The following KMT2E variants were observed in gnomAD, a reference collection of about 807,000 sequenced individuals.
KMT2E encodes the protein lysine methyltransferase 2E (inactive).
In KMT2E, 30 loss-of-function variants were observed where a neutral mutation model predicts 184.6. The observed-to-expected ratio is 0.16, with a 90% confidence interval of 0.12 to 0.22. KMT2E has a LOEUF of 0.22. Among genes scored for constraint, KMT2E ranks in the 10% least tolerant of loss-of-function variants. The probability of loss-of-function intolerance (pLI) is 1.00; values close to 1 mark genes in which losing one functional copy is unlikely to be tolerated. For missense variants in KMT2E, 2,023 were observed against 2,237.4 expected (o/e 0.90, Z 1.93); for synonymous variants, 815 against 776.5 (o/e 1.05, Z -0.82).
intron 25 of KMT2E, 65 bp downstream of exon 25, chr7:105,110,667 T>A: frequency 6.2e-7 from 1 of 1,606,650 alleles, no homozygotes; most frequent in Non-Finnish European, 8.5e-7. Flanking sequence ...AGAGAGCCTT[T>A]ATAAAAAGTT....
intron 6 of KMT2E, among the ~76,000 whole-genome samples, chr7:105,071,582 G>A (rs13234630): frequency 0.2 from 6,975 of 34,730 alleles, 793 homozygotes; most frequent in African/African-American, 0.33. Flanking sequence ...ATGTGTGTGT[G>A]TATATATATA....
At chr7:105,037,672 T>G (rs866857036) in intron 1 of KMT2E, among the ~76,000 whole-genome samples, 1 of 152,188 alleles carries the variant, frequency 6.6e-6, no homozygotes, top group Non-Finnish European at 1.5e-5. Context: ...TGTTTTCTGT[T>G]TATTTTAACA....
In KMT2E at chr7:105,015,787, G is replaced by A. The variant is rs201151651; in HGVS notation, c.-189+1252G>A. 2.0e-5 allele frequency among the ~76,000 whole-genome samples: 3 copies of A among 151,970 alleles called. No individual in the cohort carries two copies. The East Asian group carries it at 5.8e-4, about 29-fold the overall frequency. On this transcript the variant is annotated intron_variant, in intron 1 of 26. Transcript: ENST00000311117. ...TTATTATGTTTACATGAAAAGACTG[G>A]GCTGTTTTTCCTTCCCCGAGCCAGT...
At chr7:105,087,458 C>G (rs1002428517) in intron 13 of KMT2E, among the ~76,000 whole-genome samples, 2 of 147,848 alleles carry the variant, frequency 1.4e-5, no homozygotes, top group African/African-American at 5.0e-5. Context: ...GAGTCTTGCT[C>G]TGTCACCCAG....
Position 105,106,684 on chromosome 7 carries a change from A to G in KMT2E, c.2759A>G (p.Asp920Gly), listed in dbSNP as rs140480428. The part of the protein sequence containing the change: ...FATPPRIKSD[D>G]ETCRNGYKPI... Reference sequence around the variant, plus strand: ...ACGCCTCCACGGATAAAATCAGATGATGAAACTTGTAGAAATGGTTATAAA... The same window carrying G: ...ACGCCTCCACGGATAAAATCAGATGGTGAAACTTGTAGAAATGGTTATAAA... Residue 920 changes from aspartate (D) to glycine (G), a missense_variant, in exon 20 of 27, where the codon GAT (aspartate) becomes GGT (glycine). Physicochemically the swap from Asp to Gly is moderately conservative, Grantham distance 94. Coordinates refer to ENST00000311117, the MANE Select transcript of KMT2E (RefSeq NM_182931.3). The G allele has an allele frequency of 6.2e-7, 1 of 1,614,046 alleles. No individual in the cohort carries two copies. The highest frequency in any genetic ancestry group is 8.5e-7 in the Non-Finnish European group (1 of 1,179,904).
intron 12 of KMT2E, among the ~76,000 whole-genome samples, chr7:105,081,455 G>A (rs1460436079): frequency 2.1e-5 from 3 of 144,494 alleles, no homozygotes; most frequent in African/African-American, 7.8e-5. Context: ...TTATTATTTT[G>A]ATGCCACATT....
intron 13 of KMT2E, among the ~76,000 whole-genome samples, chr7:105,084,618 C>T (rs1797888119): frequency 1.4e-5 from 2 of 146,164 alleles, no homozygotes; most frequent in Non-Finnish European, 3.0e-5. Flanking sequence ...CAGAGCAAGA[C>T]TCTGTCTCAA....
intron 13 of KMT2E, 121 bp from the exon 14 acceptor site, chr7:105,089,888 G>A (rs1367143686): frequency 2.2e-6 from 3 of 1,388,256 alleles, no homozygotes; most frequent in African/African-American, 3.0e-5. Flanking sequence ...TACTAAAAAG[G>A]ATTGCTTATA....
chr7:105,107,245 G>A lies in KMT2E; in HGVS notation c.2904+23G>A, dbSNP rs764902119. On this transcript the variant is annotated intron_variant, in intron 21 of 26. Transcript: ENST00000311117. ...GAGGTAAGAAGTTAACTTAAAAAGGGTGAATTGGTAGTTTTTTTCCTATTA... is the reference window on the plus strand; with the variant it reads ...GAGGTAAGAAGTTAACTTAAAAAGGATGAATTGGTAGTTTTTTTCCTATTA... The A allele has an allele frequency of 4.6e-6, 7 of 1,529,774 alleles. No homozygotes were observed. In the African/African-American group the frequency reaches 7.0e-5, roughly 15 times the overall value. 94.8% of individuals were successfully genotyped at this position (1,529,774 alleles called of 1,614,324 possible). A position where few individuals can be genotyped will look rare whatever the true frequency, so the allele number is the denominator to read the frequency against.
rs774540196 is a variant in KMT2E, at chr7:105,112,219, T to C, written c.4463T>C (p.Val1488Ala). Residue 1488 changes from valine to alanine, a missense_variant, in exon 27 of 27, where the codon GTT becomes GCT. Transcript: ENST00000311117. ...YRPHHSQSPQ[V>A]GTPQREPQRN... ...CCTCATCATTCACAGTCACCTCAAG[T>C]TGGAACACCTCAGCGAGAGCCTCAA... is the stretch of plus-strand genomic sequence containing the variant. The C allele has an allele frequency of 5.6e-6, 9 of 1,614,020 alleles. No homozygotes were observed. The highest frequency in any genetic ancestry group is 2.2e-5 in the East Asian group (1 of 44,890).
chr7:105,078,602 C>G (rs1797626514), intron 11 of KMT2E, among the ~76,000 whole-genome samples: 2 of 151,212 alleles, frequency 1.3e-5, no homozygotes, highest in Admixed American at 1.3e-4. Flanking sequence ...AGGTGATCCT[C>G]CCACCTCAGC....
At chr7:105,083,885 C>G (rs1260811736) in intron 13 of KMT2E, among the ~76,000 whole-genome samples, 2 of 152,188 alleles carry the variant, frequency 1.3e-5, no homozygotes, top group Non-Finnish European at 2.9e-5. Context: ...AATCATCAAA[C>G]CATACATTAC....
chr7:105,108,900 CAAG>C (rs887375492), intron 22 of KMT2E, 39 bp from the exon 23 acceptor site: 3 of 1,513,436 alleles, frequency 2.0e-6, no homozygotes, highest in Non-Finnish European at 2.7e-6. Flanking sequence ...ACATAAAAAA[CAAG>C]AATAAAAGAT....
chr7:105,076,530 G>A (rs1409012786), intron 9 of KMT2E, among the ~76,000 whole-genome samples: 3 of 152,168 alleles, frequency 2.0e-5, no homozygotes, highest in Non-Finnish European at 2.9e-5. Flanking sequence ...CAGAATGATC[G>A]ATGGTAGCTA....
At chr7:105,091,596 T>G (rs935245165) in intron 15 of KMT2E, 1 of 520,784 alleles carries the variant, frequency 1.9e-6, no homozygotes, top group Non-Finnish European at 3.4e-6. Flanking sequence ...ATTAATAAAT[T>G]TTAATGCCAC....
chr7:105,096,147 T>C (rs1798401193), intron 15 of KMT2E, among the ~76,000 whole-genome samples: 1 of 147,226 alleles, frequency 6.8e-6, no homozygotes. Context: ...CCCAGCTACT[T>C]GGGAGGCTGA....
At chr7:105,040,279 C>G (rs2129565303) in intron 2 of KMT2E, among the ~76,000 whole-genome samples, 1 of 152,224 alleles carries the variant, frequency 6.6e-6, no homozygotes, top group African/African-American at 2.4e-5. Context: ...CCATGTGTTG[C>G]TGGAGGAGAG....
At chr7:105,067,928 T>C (rs1797103249) in intron 6 of KMT2E, among the ~76,000 whole-genome samples, 1 of 152,096 alleles carries the variant, frequency 6.6e-6, no homozygotes, top group South Asian at 2.1e-4. Flanking sequence ...GGCATGGTCA[T>C]GCCACTGTGC....
chr7:105,095,495 G>GGATGAA (rs1798367712), intron 15 of KMT2E, among the ~76,000 whole-genome samples: 1 of 152,100 alleles, frequency 6.6e-6, no homozygotes, highest in African/African-American at 2.4e-5. Context: ...AAATACTCAG[G>GGATGAA]GATGAAGATT....
Sources: gnomAD v4.1 joint callset for allele counts (sites outside exome capture counted in the v4.1 genomes callset) on GRCh38, gnomAD v4.1.1 for gene constraint, MANE v1.5 for transcripts, NCBI Gene and HGNC (gene_info 2026-07-23, HGNC 2026-07-21) for gene names.